The following KRT75 variants were observed in gnomAD, a reference collection of about 807,000 sequenced individuals.
KRT75 encodes keratin 75.
A neutral mutation model predicts 48.8 loss-of-function variants in KRT75; 35 were observed. The ratio of observed to expected loss-of-function variants is 0.72; its 90% CI spans 0.55 to 0.95. The LOEUF (loss-of-function observed/expected upper bound fraction) is 0.95, where lower values mean the gene tolerates loss of function less well. Among genes scored for constraint, KRT75 ranks in the 40% least tolerant of loss-of-function variants. KRT75 has a pLI of 0.00. For missense variants in KRT75, 776 were observed against 709.9 expected, an observed-to-expected ratio of 1.09 and a Z score of -1.06; for synonymous variants, 301 against 282.3, an observed-to-expected ratio of 1.07 and a Z score of -0.66.
chr12:52,430,442 C>G, intron 5 of KRT75, 99 bp downstream of exon 5: 1 of 1,274,708 alleles, frequency 7.8e-7, no homozygotes, highest in Non-Finnish European at 1.1e-6. Flanking sequence ...TTGAAATAAA[C>G]GAATGTGCTC....
chr12:52,426,894 C>T lies in KRT75; in HGVS notation c.1383-43G>A, dbSNP rs138008964. On this transcript the variant is annotated intron_variant, in intron 7 of 8. Coordinates refer to ENST00000252245, the MANE Select transcript of KRT75 (RefSeq NM_004693.3). ...GGAGAAGGAAGGTTACCAATGTGGCCAGCAGCTTAAGGGCCTTTGCAATGA... is the reference window on the plus strand; with the variant it reads ...GGAGAAGGAAGGTTACCAATGTGGCTAGCAGCTTAAGGGCCTTTGCAATGA... The T allele has an allele frequency of 1.8e-4, 293 of 1,594,502 alleles. 1 individual carries two copies. The African/African-American group carries it at 3.6e-3, about 20-fold the overall frequency.
Position 52,426,417 on chromosome 12 carries a change from C to T in KRT75, c.1417+400G>A, listed in dbSNP as rs952106534. On this transcript the variant is annotated intron_variant, in intron 8 of 8. Transcript: ENST00000252245. ...TGCTCTTGTCCACAGCATGAAGGCT[C>T]CCTTCAAAGGTCCAAGCCAGACCAG... 3.3e-5 allele frequency among the ~76,000 whole-genome samples: 5 copies of T among 152,212 alleles called. No homozygotes were observed. The East Asian group carries it at 5.8e-4, about 18-fold the overall frequency.
chr12:52,425,341 T>A (rs11170119), intron 8 of KRT75, among the ~76,000 whole-genome samples: 2 of 152,170 alleles, frequency 1.3e-5, no homozygotes, highest in African/African-American at 4.8e-5. Flanking sequence ...AATCAAATTT[T>A]AAAAAAATAG....
At chr12:52,428,226 T>C in intron 7 of KRT75, 30 bp downstream of exon 7, 1 of 1,612,554 alleles carries the variant, frequency 6.2e-7, no homozygotes, top group African/African-American at 1.3e-5. Flanking sequence ...TCAACTTGCT[T>C]TGAGGATGAA....
In KRT75 at chr12:52,432,043, C is replaced by A. The variant is rs756416874; in HGVS notation, c.737G>T (p.Arg246Leu). 1.9e-6 allele frequency: 3 copies of A among 1,613,976 alleles called. No homozygotes were observed. In the South Asian group the frequency reaches 3.3e-5, roughly 18 times the overall value. The change falls in exon 3 of 9, where the codon CGC becomes CTC. Residue 246 changes from arginine (R) to leucine (L), a missense_variant. By Grantham distance (102) the Arg-to-Leu change is moderately radical. Coordinates refer to ENST00000252245, the MANE Select transcript of KRT75 (RefSeq NM_004693.3). ...KVRYEDEINK[R>L]TAAENEFVAL... ...TACAAATTCATTCTCAGCAGCTGTGCGCTTGTTAATTTCATCTTCGTACCT... is the reference window on the plus strand; with the variant it reads ...TACAAATTCATTCTCAGCAGCTGTGAGCTTGTTAATTTCATCTTCGTACCT...
In KRT75 at chr12:52,428,308, G is replaced by A. The variant is rs1371713788; in HGVS notation, c.1330C>T (p.Leu444=). The change falls in exon 7 of 9, where the codon CTG becomes TTG. Residue 444 remains leucine (L), a synonymous_variant. Coordinates refer to ENST00000252245, the MANE Select transcript of KRT75 (RefSeq NM_004693.3). ...CGGTAGGTGGCGATCTCCACGTCCA[G>A]GGCCAGCTTGATGTTCATCAGCTCC... ...YQELMNIKLA[L]DVEIATYRKL... 1.9e-6 allele frequency: 3 copies of A among 1,614,108 alleles called. No individual in the cohort carries two copies.
At position 52,424,727 on chromosome 12, in the gene KRT75, G is replaced by A. The variant is rs759708155; in HGVS notation, c.1446C>T (p.Gly482=). ...ISVVTSTLSS[G]YGSGSSIGGG... ...CTCCAATGCTGCTGCCGCTTCCATAGCCACTGGAAAGAGTAGAGGTGACCA... is the reference window on the plus strand; with the variant it reads ...CTCCAATGCTGCTGCCGCTTCCATAACCACTGGAAAGAGTAGAGGTGACCA... Residue 482 remains glycine (G), a synonymous_variant, in exon 9 of 9, where the codon GGC becomes GGT. Transcript: ENST00000252245. The A allele has an allele frequency of 1.2e-5, 20 of 1,613,838 alleles. No homozygotes were observed. The South Asian group carries it at 1.5e-4, about 12-fold the overall frequency.
chr12:52,427,473 G>C (rs1940088799), intron 7 of KRT75, among the ~76,000 whole-genome samples: 1 of 152,124 alleles, frequency 6.6e-6, no homozygotes, highest in Non-Finnish European at 1.5e-5. Context: ...GGTATTATTT[G>C]CTCACTTTTA....
intron 5 of KRT75, 90 bp from the exon 6 acceptor site, chr12:52,428,833 CA>C: frequency 6.6e-7 from 1 of 1,511,812 alleles, no homozygotes; most frequent in South Asian, 1.1e-5. Context: ...GTGCCACAAG[CA>C]GGCTCATTCA....
intron 1 of KRT75, among the ~76,000 whole-genome samples, chr12:52,433,572 T>C (rs1185614228): frequency 6.6e-6 from 1 of 152,118 alleles, no homozygotes. Context: ...AACAAAACTC[T>C]TCCCTTGGTG....
chr12:52,428,536 T>C (rs2232404), intron 6 of KRT75, 60 bp from the exon 7 acceptor site: 25 of 1,612,610 alleles, frequency 1.6e-5, no homozygotes, highest in South Asian at 8.8e-5. Flanking sequence ...GTGGTGCTTC[T>C]TGGGGAGGAG....
intron 3 of KRT75, 85 bp from the exon 4 acceptor site, chr12:52,431,723 C>T (rs1247942305): frequency 1.8e-5 from 20 of 1,098,174 alleles, no homozygotes; most frequent in Non-Finnish European, 2.4e-5. Flanking sequence ...TCTCCCCAGC[C>T]CATCTAGTTT....
At chr12:52,433,344 T>G (rs1369544986) in intron 1 of KRT75, 92 bp from the exon 2 acceptor site, 7 of 1,143,484 alleles carry the variant, frequency 6.1e-6, no homozygotes, top group African/African-American at 1.5e-5. Flanking sequence ...AAAGATATTT[T>G]TTTCACTTGG....
chr12:52,426,850 A>T lies in KRT75; in HGVS notation c.1384T>A (p.Leu462Met). The change falls in exon 8 of 9, where the codon TTG becomes ATG. Residue 462 changes from leucine (L) to methionine (M), a missense_variant and splice_region_variant. Leu to Met is a conservative substitution (Grantham distance 15). Coordinates refer to ENST00000252245, the MANE Select transcript of KRT75 (RefSeq NM_004693.3). Reference sequence around the variant, plus strand: ...ACTGGAGAAACTCCCTCTCCACTCAACCTGATTGGGAAGAGCAGGGAGAAG... The same window carrying T: ...ACTGGAGAAACTCCCTCTCCACTCATCCTGATTGGGAAGAGCAGGGAGAAG... ...RKLLEGEECR[L>M]SGEGVSPVNI... 6.2e-7 allele frequency: 1 copy of T among 1,613,836 alleles called. No homozygotes were observed. The highest frequency in any genetic ancestry group is 8.5e-7 in the Non-Finnish European group (1 of 1,179,802).
chr12:52,428,776 T>C (rs1374338663), intron 5 of KRT75, 33 bp from the exon 6 acceptor site: 2 of 1,613,010 alleles, frequency 1.2e-6, no homozygotes, highest in Admixed American at 1.7e-5. Flanking sequence ...AGTCACTGAG[T>C]CAAATGCCTG....
Position 52,428,320 on chromosome 12 carries a change from T to C in KRT75, c.1318A>G (p.Ile440Val). ...LLREYQELMN[I>V]KLALDVEIAT... Reference sequence around the variant, plus strand: ...ATCTCCACGTCCAGGGCCAGCTTGATGTTCATCAGCTCCTGGTACTCACGC... The same window carrying C: ...ATCTCCACGTCCAGGGCCAGCTTGACGTTCATCAGCTCCTGGTACTCACGC... The change falls in exon 7 of 9, where the codon ATC becomes GTC. Residue 440 changes from isoleucine (I) to valine (V), a missense_variant. By Grantham distance (29) the Ile-to-Val change is conservative. Transcript: ENST00000252245. 6.2e-7 allele frequency: 1 copy of C among 1,614,078 alleles called. No individual in the cohort carries two copies. The highest frequency in any genetic ancestry group is 8.5e-7 in the Non-Finnish European group (1 of 1,180,012).
At chr12:52,431,295 C>G (rs1490519211) in intron 4 of KRT75, among the ~76,000 whole-genome samples, 1 of 151,958 alleles carries the variant, frequency 6.6e-6, no homozygotes, top group Non-Finnish European at 1.5e-5. Context: ...AATCAGTACT[C>G]TCTCCTTGTT....
chr12:52,433,318 A>G (rs1200017468), intron 1 of KRT75, 66 bp from the exon 2 acceptor site: 1 of 1,286,174 alleles, frequency 7.8e-7, no homozygotes, highest in Non-Finnish European at 1.1e-6. Flanking sequence ...ACTCCTATTA[A>G]TAAGGGAGAG....
intron 8 of KRT75, among the ~76,000 whole-genome samples, chr12:52,425,636 C>A (rs1940067070): frequency 6.6e-6 from 1 of 152,182 alleles, no homozygotes; most frequent in Admixed American, 6.5e-5. Context: ...TGGATGGCCA[C>A]CGCCAGAGCT....
Sources: allele counts gnomAD v4.1 joint callset (sites outside exome capture counted in the v4.1 genomes callset), GRCh38; gene constraint gnomAD v4.1.1; transcripts MANE v1.5; gene names NCBI Gene and HGNC (gene_info 2026-07-23, HGNC 2026-07-21).